Variants in LIMCH1 observed in about 807,000 individuals in gnomAD.
LIMCH1 encodes the protein LIM and calponin homology domains-containing protein 1.
A neutral mutation model predicts 176.5 loss-of-function variants in LIMCH1; 113 were observed. That is an observed-to-expected ratio of 0.64 (90% CI 0.55 to 0.75). The LOEUF is 0.75. Ranked by LOEUF, LIMCH1 falls within the 30% of genes least tolerant of loss-of-function variation. The probability of loss-of-function intolerance (pLI) is 0.00; values close to 1 mark genes in which losing one functional copy is unlikely to be tolerated. For missense variants in LIMCH1, 1,674 were observed against 1,814.9 expected, an observed-to-expected ratio of 0.92 and a Z score of 1.41; for synonymous variants, 619 against 645.9, an observed-to-expected ratio of 0.96 and a Z score of 0.63.
chr4:41,499,515 G>A (rs941072365), intron 2 of LIMCH1, among the ~76,000 whole-genome samples: 1 of 152,112 alleles, frequency 6.6e-6, no homozygotes, highest in South Asian at 2.1e-4. Flanking sequence ...CCTTTATACT[G>A]ATTTTTTAAA....
At chr4:41,373,140 G>T (rs2054226524) in intron 1 of LIMCH1, among the ~76,000 whole-genome samples, 1 of 152,204 alleles carries the variant, frequency 6.6e-6, no homozygotes, top group African/African-American at 2.4e-5. Flanking sequence ...AACACAAAAA[G>T]GGCCGGGATC....
chr4:41,462,576 T>G (rs1381053035), intron 1 of LIMCH1, among the ~76,000 whole-genome samples: 1 of 152,228 alleles, frequency 6.6e-6, no homozygotes, highest in Non-Finnish European at 1.5e-5. Flanking sequence ...AAAAATGCTT[T>G]GAATCACATA....
intron 1 of LIMCH1, among the ~76,000 whole-genome samples, chr4:41,579,555 G>T (rs1231327075): frequency 6.6e-6 from 1 of 152,192 alleles, no homozygotes; most frequent in African/African-American, 2.4e-5. Context: ...CATCGTTAAT[G>T]TAACAGTGAT....
intron 1 of LIMCH1, among the ~76,000 whole-genome samples, chr4:41,393,245 G>A (rs1237619901): frequency 6.6e-6 from 1 of 152,134 alleles, no homozygotes; most frequent in Non-Finnish European, 1.5e-5. Context: ...TTTCCTCGTT[G>A]AATGTGTACT....
chr4:41,395,980 G>A (rs2057765620), intron 1 of LIMCH1, among the ~76,000 whole-genome samples: 1 of 152,228 alleles, frequency 6.6e-6, no homozygotes, highest in African/African-American at 2.4e-5. Flanking sequence ...GAAGGTGACA[G>A]TGGGGCAGAG....
At chr4:41,561,480 T>C (rs2082056326) in intron 1 of LIMCH1, among the ~76,000 whole-genome samples, 1 of 152,192 alleles carries the variant, frequency 6.6e-6, no homozygotes, top group African/African-American at 2.4e-5. Context: ...ATGAACTAAT[T>C]AGAATGTATA....
intron 18 of LIMCH1, among the ~76,000 whole-genome samples, chr4:41,657,645 ACTTT>A (rs1185523616): frequency 6.6e-6 from 1 of 152,116 alleles, no homozygotes; most frequent in Non-Finnish European, 1.5e-5. Context: ...TTTTTCTCTT[ACTTT>A]ATCTGAATAT....
At chr4:41,632,208 C>T (rs144748980) in intron 10 of LIMCH1, among the ~76,000 whole-genome samples, 5 of 152,248 alleles carry the variant, frequency 3.3e-5, no homozygotes, top group African/African-American at 7.2e-5. Context: ...ACCGGATTGC[C>T]CTGGGAACCT....
At chr4:41,460,854 CT>C (rs1263806941) in intron 1 of LIMCH1, among the ~76,000 whole-genome samples, 5 of 152,284 alleles carry the variant, frequency 3.3e-5, no homozygotes, top group Non-Finnish European at 1.5e-5. Flanking sequence ...GAAATGCCTG[CT>C]CTGATGAGCT....
chr4:41,656,751 A>G (rs1193436353), intron 18 of LIMCH1, among the ~76,000 whole-genome samples: 1 of 152,092 alleles, frequency 6.6e-6, no homozygotes, highest in Non-Finnish European at 1.5e-5. Flanking sequence ...CCAAGACGAG[A>G]GCCAGGAAAT....
At chr4:41,436,012 T>C (rs1247375545) in intron 1 of LIMCH1, among the ~76,000 whole-genome samples, 1 of 152,238 alleles carries the variant, frequency 6.6e-6, no homozygotes, top group Non-Finnish European at 1.5e-5. Flanking sequence ...GTACCATATT[T>C]GTTCCACTTT....
At chr4:41,591,898 G>C (rs1001352486) in intron 1 of LIMCH1, among the ~76,000 whole-genome samples, 2 of 152,210 alleles carry the variant, frequency 1.3e-5, no homozygotes, top group Non-Finnish European at 2.9e-5. Context: ...ACCAAATGCA[G>C]GGTGTCTGCC....
intron 1 of LIMCH1, among the ~76,000 whole-genome samples, chr4:41,407,537 A>G (rs1398725868): frequency 2.0e-5 from 3 of 152,158 alleles, no homozygotes; most frequent in Non-Finnish European, 4.4e-5. Context: ...GCCCCCCATC[A>G]TCTTTATCCT....
intron 1 of LIMCH1, among the ~76,000 whole-genome samples, chr4:41,399,033 GC>G (rs2058093875): frequency 6.6e-6 from 1 of 152,176 alleles, no homozygotes; most frequent in East Asian, 1.9e-4. Context: ...TTTACAGGGT[GC>G]CCATTGCTGT....
chr4:41,524,613 C>T (rs563310300), intron 3 of LIMCH1: 26 of 686,988 alleles, frequency 3.8e-5, no homozygotes, highest in African/African-American at 1.8e-4. Flanking sequence ...ATCCATTAAA[C>T]GAAGAGGTCA....
In LIMCH1 at chr4:41,596,048, C is replaced by CAAAAAAAAAAAAAAA. The variant is rs1452167402; in HGVS notation, c.-240-2859_-240-2858insAAAAAAAAAAAAAAA. 1.1e-3 allele frequency among the ~76,000 whole-genome samples: 112 copies of CAAAAAAAAAAAAAAA among 100,584 alleles called. 6 individuals are homozygous for CAAAAAAAAAAAAAAA. Among genetic ancestry groups the CAAAAAAAAAAAAAAA allele is most frequent in the African/African-American group, 7.5e-3 (108 of 14,392 alleles). The allele number at this position is 100,584 out of a possible 152,430, so 66.0% of individuals were successfully genotyped here. On this transcript the variant is annotated intron_variant, in intron 1 of 31. Transcript: ENST00000503057. ...TGGGTGACAGAGTGAGACTCCATCT[C>CAAAAAAAAAAAAAAA]AAAAAAAAAAAAATAAAAAAGTTCA...
intron 3 of LIMCH1, among the ~76,000 whole-genome samples, chr4:41,529,487 C>T (rs868512141): frequency 6.6e-6 from 1 of 152,152 alleles, no homozygotes; most frequent in Admixed American, 6.5e-5. Flanking sequence ...GAGGAAAAGA[C>T]AATTTTACGT....
At chr4:41,448,781 A>G (rs2063537073) in intron 1 of LIMCH1, among the ~76,000 whole-genome samples, 1 of 152,094 alleles carries the variant, frequency 6.6e-6, no homozygotes, top group Non-Finnish European at 1.5e-5. Flanking sequence ...ACACCTCGAG[A>G]GAAAAGATGA....
intron 25 of LIMCH1, among the ~76,000 whole-genome samples, chr4:41,681,382 GC>G: frequency 6.6e-6 from 1 of 152,278 alleles, no homozygotes; most frequent in East Asian, 1.9e-4. Context: ...CCTTCTCACA[GC>G]CCAGTTGCCA....
Sources: gnomAD v4.1 joint callset for allele counts (sites outside exome capture counted in the v4.1 genomes callset) on GRCh38, gnomAD v4.1.1 for gene constraint, MANE v1.5 for transcripts, NCBI Gene and HGNC (gene_info 2026-07-23, HGNC 2026-07-21) for gene names.